The following LAMA2 variants were observed in gnomAD, a reference collection of about 807,000 sequenced individuals.
LAMA2 encodes laminin subunit alpha 2.
Under a neutral mutation model 364.8 loss-of-function variants are expected in LAMA2, and 269 were observed. The ratio of observed to expected loss-of-function variants is 0.74; its 90% CI spans 0.67 to 0.82. The LOEUF (loss-of-function observed/expected upper bound fraction) is 0.82. Among genes scored for constraint, LAMA2 ranks in the 40% least tolerant of loss-of-function variants. LAMA2 has a pLI of 0.00. For missense variants in LAMA2, 3,807 were observed against 3,873.2 expected, an observed-to-expected ratio of 0.98 and a Z score of 0.45; for synonymous variants, 1,379 against 1,370.6, an observed-to-expected ratio of 1.01 and a Z score of -0.14.
intron 12 of LAMA2, among the ~76,000 whole-genome samples, chr6:129,227,165 A>G (rs1018886348): frequency 6.6e-6 from 1 of 152,168 alleles, no homozygotes; most frequent in African/African-American, 2.4e-5. Context: ...TTCTCGTGCC[A>G]TAGTTTTCAG....
intron 12 of LAMA2, among the ~76,000 whole-genome samples, chr6:129,204,837 A>G (rs1782518021): frequency 6.6e-6 from 1 of 152,226 alleles, no homozygotes; most frequent in Admixed American, 6.5e-5. Flanking sequence ...AAGTTAAAGA[A>G]ATTGATAACA....
At chr6:129,172,675 C>T (rs2115006811) in intron 9 of LAMA2, among the ~76,000 whole-genome samples, 1 of 152,340 alleles carries the variant, frequency 6.6e-6, no homozygotes, top group Middle Eastern at 3.4e-3. Context: ...GGCAGGCAGG[C>T]CTCCTTGAGC....
intron 4 of LAMA2, among the ~76,000 whole-genome samples, chr6:129,124,381 C>T (rs1031412548): frequency 6.6e-6 from 1 of 152,130 alleles, no homozygotes; most frequent in African/African-American, 2.4e-5. Context: ...GATGGTGTCT[C>T]CCTCCAGATG....
At chr6:129,302,026 G>T (rs72977192) in intron 22 of LAMA2, among the ~76,000 whole-genome samples, 12,710 of 152,152 alleles carry the variant, frequency 0.084, 733 homozygotes, top group Non-Finnish European at 0.13. Flanking sequence ...TTTGTGTAAT[G>T]TACAGTGACT....
chr6:129,158,133 G>T, intron 8 of LAMA2: 1 of 1,612,442 alleles, frequency 6.2e-7, no homozygotes, highest in Non-Finnish European at 8.5e-7. Flanking sequence ...TTTAAGCAGG[G>T]CTCTGGTGTC....
At chr6:128,894,443 TTTG>T (rs1350243473) in intron 1 of LAMA2, among the ~76,000 whole-genome samples, 5 of 152,308 alleles carry the variant, frequency 3.3e-5, no homozygotes, top group Non-Finnish European at 4.4e-5. Flanking sequence ...ATTGACAAAT[TTTG>T]TTATTTTTCT....
In LAMA2 at chr6:129,460,277, G is replaced by C; in HGVS notation, c.6945G>C (p.Leu2315Phe). Reference sequence around the variant, plus strand: ...ACTTTGACAACAAACCTATAGGTTTGTGGAATTTCCGAGAAAAAGAAGGTG... The same window carrying C: ...ACTTTGACAACAAACCTATAGGTTTCTGGAATTTCCGAGAAAAAGAAGGTG... The part of the protein sequence containing the change: ...ETYFDNKPIG[L>F]WNFREKEGDC... The change falls in exon 49 of 65, where the codon TTG becomes TTC. Residue 2315 changes from leucine (L) to phenylalanine (F), a missense_variant. By Grantham distance (22) the Leu-to-Phe change is conservative. This residue lies in a region of LAMA2 where 3,333 missense variants were observed against 3,345.7 expected (regional missense o/e 1.00). Coordinates refer to ENST00000421865, the MANE Select transcript of LAMA2 (RefSeq NM_000426.4). 6.2e-7 allele frequency: 1 copy of C among 1,612,378 alleles called. No homozygotes were observed. Among genetic ancestry groups the C allele is most frequent in the East Asian group, 2.2e-5 (1 of 44,798 alleles).
intron 1 of LAMA2, among the ~76,000 whole-genome samples, chr6:129,044,303 TA>T (rs1787315099): frequency 6.6e-6 from 1 of 152,086 alleles, no homozygotes; most frequent in South Asian, 2.1e-4. Flanking sequence ...AGAACCTCCA[TA>T]AGTAGATTTT....
chr6:129,348,890 G>A (rs1458005689), intron 30 of LAMA2, among the ~76,000 whole-genome samples: 2 of 152,038 alleles, frequency 1.3e-5, no homozygotes, highest in African/African-American at 4.8e-5. Context: ...TAGATTTTAT[G>A]CCCTTTTTTT....
rs140832391 is a variant in LAMA2 at position 128,998,310 on chromosome 6, A to G, written c.113-51608A>G. On this transcript the variant is annotated intron_variant, in intron 1 of 64. Transcript: ENST00000421865. ...TTAAGAAGTAGCATCAAAGAGGAGCAAAGTTGATGCACAACCTATCTCTAG... is the reference window on the plus strand; with the variant it reads ...TTAAGAAGTAGCATCAAAGAGGAGCGAAGTTGATGCACAACCTATCTCTAG... Among the ~76,000 whole-genome samples the G allele has an allele frequency of 3.9e-5, 6 of 152,352 alleles. No homozygotes were observed. In the East Asian group the frequency reaches 1.2e-3, roughly 29 times the overall value.
At chr6:129,431,292 A>G (rs6908451) in intron 41 of LAMA2, among the ~76,000 whole-genome samples, 79,624 of 151,316 alleles carry the variant, frequency 0.53, 22,046 homozygotes, top group African/African-American at 0.71. Flanking sequence ...CCAGCTACTC[A>G]GGAGGCTGAG....
intron 40 of LAMA2, among the ~76,000 whole-genome samples, chr6:129,419,493 A>G (rs141631137): frequency 1.3e-5 from 2 of 148,248 alleles, no homozygotes; most frequent in Admixed American, 1.3e-4. Flanking sequence ...CACCTCTAGT[A>G]GCCAGCTGCT....
At position 129,149,100 on chromosome 6, in the gene LAMA2, T is replaced by G; in HGVS notation, c.1027+4T>G. The G allele has an allele frequency of 6.5e-7, 1 of 1,549,390 alleles. No individual in the cohort carries two copies. Among genetic ancestry groups the G allele is most frequent in the South Asian group, 1.1e-5 (1 of 89,712 alleles). ...CTAACTAAAACTGAATGTGAAGGTA[T>G]GTTCTTTAGAAGCCAACAAAATATG... is the stretch of plus-strand genomic sequence containing the variant. On this transcript the variant is annotated splice_donor_region_variant and intron_variant, in intron 7 of 64. Coordinates refer to ENST00000421865, the MANE Select transcript of LAMA2 (RefSeq NM_000426.4).
intron 7 of LAMA2, among the ~76,000 whole-genome samples, chr6:129,149,608 A>G (rs1778675346): frequency 6.6e-6 from 1 of 152,184 alleles, no homozygotes; most frequent in South Asian, 2.1e-4. Context: ...ACAATGTGTC[A>G]GACATGACAG....
Position 129,313,049 on chromosome 6 carries a change from G to A in LAMA2, c.3363G>A (p.Glu1121=), listed in dbSNP as rs770971338. 10 of 1,614,032 alleles carry A rather than the reference G, an allele frequency of 6.2e-6. No individual in the cohort carries two copies. The highest frequency in any genetic ancestry group is 5.5e-5 in the South Asian group (5 of 91,074). The change falls in exon 23 of 65, where the codon GAG becomes GAA. Residue 1121 remains glutamate, a synonymous_variant. Coordinates refer to ENST00000421865, the MANE Select transcript of LAMA2 (RefSeq NM_000426.4). The part of the protein sequence containing the change: ...PGTDATTCDS[E]TKKCSCSDQT... ...CAGATGCCACAACCTGTGATTCAGA[G>A]ACTAAAAAATGCTCCTGTAGTGATC... is the stretch of plus-strand genomic sequence containing the variant.
At chr6:129,145,388 C>T (rs1648749207) in intron 5 of LAMA2, among the ~76,000 whole-genome samples, 1 of 151,938 alleles carries the variant, frequency 6.6e-6, no homozygotes, top group African/African-American at 2.4e-5. Flanking sequence ...TTGTATTATA[C>T]CTCAACATAT....
intron 24 of LAMA2, 102 bp from the exon 25 acceptor site, chr6:129,315,374 A>C (rs929422697): frequency 1.2e-4 from 118 of 963,724 alleles, no homozygotes; most frequent in Non-Finnish European, 1.7e-4. Flanking sequence ...CATCATCAGA[A>C]TGGGTATAGG....
intron 4 of LAMA2, among the ~76,000 whole-genome samples, chr6:129,135,216 G>T (rs1331408693): frequency 6.6e-6 from 1 of 152,126 alleles, no homozygotes; most frequent in African/African-American, 2.4e-5. Context: ...AAAATACTGG[G>T]TCTGTCATAG....
chr6:129,509,332 T>C (rs984301943), intron 62 of LAMA2, among the ~76,000 whole-genome samples: 3 of 152,216 alleles, frequency 2.0e-5, no homozygotes, highest in African/African-American at 7.2e-5. Flanking sequence ...ATTGTTTACT[T>C]TGCTGTGCAG....
Sources: gnomAD v4.1 joint callset for allele counts (sites outside exome capture counted in the v4.1 genomes callset) on GRCh38, gnomAD v4.1.1 for gene constraint, gnomAD v4.1.1 regional missense constraint, MANE v1.5 for transcripts, NCBI Gene and HGNC (gene_info 2026-07-23, HGNC 2026-07-21) for gene names.